WWOX: variants seen among roughly 807,000 people sequenced by gnomAD.
The protein encoded by WWOX is WW domain containing oxidoreductase.
WWOX carries 69 observed loss-of-function variants against 46.2 expected under a neutral mutation model. The ratio of observed to expected loss-of-function variants is 1.49; its 90% CI spans 1.23 to 1.82. WWOX has a LOEUF of 1.82. Among genes scored for constraint, WWOX ranks in the 40% most tolerant of loss-of-function variants. WWOX has a pLI of 0.00. For synonymous variants in WWOX, 359 were observed against 202.6 expected, an observed-to-expected ratio of 1.77 and a Z score of -6.56; for missense variants, 919 against 542.6, an observed-to-expected ratio of 1.69 and a Z score of -6.89.
intron 8 of WWOX, among the ~76,000 whole-genome samples, chr16:78,936,461 G>C (rs575903527): frequency 2.6e-5 from 4 of 152,252 alleles, no homozygotes; most frequent in African/African-American, 9.6e-5. Flanking sequence ...TAGCTACTCA[G>C]TGAATAAATA....
intron 8 of WWOX, among the ~76,000 whole-genome samples, chr16:78,540,606 T>C (rs147624312): frequency 6.6e-6 from 1 of 152,174 alleles, no homozygotes; most frequent in African/African-American, 2.4e-5. Flanking sequence ...ATGGAGTGGT[T>C]ACACCCTGGG....
intron 8 of WWOX, among the ~76,000 whole-genome samples, chr16:79,056,753 T>A (rs1055793360): frequency 1.7e-4 from 26 of 152,156 alleles, no homozygotes; most frequent in Admixed American, 1.6e-3. Context: ...ACTCAAGAAG[T>A]TTTTCTTGCT....
At chr16:78,365,882 C>G (rs986532913) in intron 5 of WWOX, among the ~76,000 whole-genome samples, 1 of 152,120 alleles carries the variant, frequency 6.6e-6, no homozygotes, top group African/African-American at 2.4e-5. Context: ...CTTACAGAAA[C>G]ATTATTTTGT....
At chr16:79,167,054 C>T (rs139820401) in intron 8 of WWOX, among the ~76,000 whole-genome samples, 87 of 152,234 alleles carry the variant, frequency 5.7e-4, no homozygotes, top group African/African-American at 2.0e-3. Flanking sequence ...AATTCTCATG[C>T]GTCAGCCTCC....
At position 78,334,924 on chromosome 16, in the gene WWOX, T is replaced by TAAA. The variant is rs538880972; in HGVS notation, c.517-51924_517-51922dup. On this transcript the variant is annotated intron_variant, in intron 5 of 8. Transcript: ENST00000566780. ...TCATTGAGGAGATACCATCTTTTTT[T>TAAA]AAAAAAAAAAAAAAGGCAGCAAAAT... is the stretch of plus-strand genomic sequence containing the variant. 9.5e-3 allele frequency among the ~76,000 whole-genome samples: 1,332 copies of TAAA among 140,520 alleles called. 19 individuals are homozygous for TAAA. Among genetic ancestry groups the TAAA allele is most frequent in the African/African-American group, 0.024 (911 of 38,470 alleles). 92.2% of individuals were successfully genotyped at this position (140,520 alleles called of 152,430 possible).
chr16:78,906,030 G>C (rs4888875), intron 8 of WWOX, among the ~76,000 whole-genome samples: 126,197 of 152,004 alleles, frequency 0.83, 52,458 homozygotes, highest in Middle Eastern at 0.88. Context: ...TGCAATGATG[G>C]ATGAATGAAT....
rs1209777295 is a variant in WWOX, at chr16:78,888,843, A to G, written c.1057-322765A>G. On this transcript the variant is annotated intron_variant, in intron 8 of 8. Transcript: ENST00000566780. ...TTCTTTTTAATTCATAGTCTCAACT[A>G]TGTCTCAAGACTGCCCAGCAGTATT... is the stretch of plus-strand genomic sequence containing the variant. 2.6e-5 allele frequency among the ~76,000 whole-genome samples: 4 copies of G among 152,124 alleles called. 1 individual carries two copies. The highest frequency in any genetic ancestry group is 1.3e-4 in the Admixed American group (2 of 15,284).
intron 8 of WWOX, among the ~76,000 whole-genome samples, chr16:78,539,464 A>G (rs867514702): frequency 8.5e-5 from 13 of 152,254 alleles, no homozygotes; most frequent in African/African-American, 2.2e-4. Flanking sequence ...TTTCTCTTCC[A>G]GTAAGCAATT....
At chr16:78,384,590 C>T (rs1004909985) in intron 5 of WWOX, among the ~76,000 whole-genome samples, 2 of 152,044 alleles carry the variant, frequency 1.3e-5, no homozygotes, top group African/African-American at 4.8e-5. Flanking sequence ...TGTGGCGTCA[C>T]CTTATAGCAG....
chr16:78,114,207 C>G (rs1286765860), intron 3 of WWOX, among the ~76,000 whole-genome samples: 1 of 151,178 alleles, frequency 6.6e-6, no homozygotes, highest in Admixed American at 6.6e-5. Flanking sequence ...ACGTGATCAT[C>G]CTCCTACCTC....
chr16:78,362,247 C>T (rs981020905), intron 5 of WWOX, among the ~76,000 whole-genome samples: 6 of 151,898 alleles, frequency 4.0e-5, no homozygotes, highest in Non-Finnish European at 5.9e-5. Context: ...GTGCCTTGTC[C>T]GTCTTGCTTG....
At chr16:78,427,969 G>T (rs906604871) in intron 7 of WWOX, among the ~76,000 whole-genome samples, 2 of 152,132 alleles carry the variant, frequency 1.3e-5, no homozygotes, top group African/African-American at 2.4e-5. Flanking sequence ...TTGGGAGGCT[G>T]AGGCAGGAGA....
intron 8 of WWOX, among the ~76,000 whole-genome samples, chr16:78,781,257 T>C (rs962981321): frequency 6.6e-6 from 1 of 152,166 alleles, no homozygotes; most frequent in Non-Finnish European, 1.5e-5. Flanking sequence ...AACTGGGCAC[T>C]CAGCTATAAA....
chr16:79,160,768 G>C (rs2050470138), intron 8 of WWOX, among the ~76,000 whole-genome samples: 1 of 152,088 alleles, frequency 6.6e-6, no homozygotes, highest in African/African-American at 2.4e-5. Flanking sequence ...AAAAAAATGT[G>C]ATTTGTGCAT....
chr16:78,807,341 G>A (rs867924292), intron 8 of WWOX, among the ~76,000 whole-genome samples: 1 of 152,184 alleles, frequency 6.6e-6, no homozygotes, highest in Non-Finnish European at 1.5e-5. Flanking sequence ...GACACCCAGT[G>A]AATCTAAAAC....
chr16:78,486,930 A>T (rs2084652767), intron 8 of WWOX, among the ~76,000 whole-genome samples: 1 of 152,254 alleles, frequency 6.6e-6, no homozygotes, highest in East Asian at 1.9e-4. Flanking sequence ...ATCTATTCCT[A>T]ATGCAGGCTC....
chr16:78,968,087 TGGTCCGCATGGCACAGCGC>T (rs1567445976), intron 8 of WWOX, among the ~76,000 whole-genome samples: 2 of 135,364 alleles, frequency 1.5e-5, no homozygotes, highest in African/African-American at 5.3e-5. Flanking sequence ...GCACAGTGCA[TGGTCCGCATGGCACAGCGC>T]GTGGTCCGCG....
intron 8 of WWOX, among the ~76,000 whole-genome samples, chr16:78,758,952 CAAAA>C (rs2049724874): frequency 7.3e-6 from 1 of 137,836 alleles, no homozygotes; most frequent in Non-Finnish European, 1.6e-5. Flanking sequence ...AAAAAAAAAA[CAAAA>C]AACCTTCACA....
chr16:78,799,507 G>A (rs374684718), intron 8 of WWOX, among the ~76,000 whole-genome samples: 10 of 152,036 alleles, frequency 6.6e-5, no homozygotes, highest in East Asian at 1.9e-4. Context: ...AAATAATATC[G>A]TCATCACATG....
Sources: allele counts gnomAD v4.1 joint callset (sites outside exome capture counted in the v4.1 genomes callset), GRCh38; gene constraint gnomAD v4.1.1; transcripts MANE v1.5; gene names NCBI Gene and HGNC (gene_info 2026-07-23, HGNC 2026-07-21).